Variants in TPD52 observed in about 807,000 individuals in gnomAD.
TPD52 encodes prostate and colon associated protein.
Under a neutral mutation model 31.3 loss-of-function variants are expected in TPD52, and 17 were observed. The ratio of observed to expected loss-of-function variants is 0.54; its 90% CI spans 0.37 to 0.82. The LOEUF (loss-of-function observed/expected upper bound fraction) is 0.82. Ranked by LOEUF, TPD52 falls within the 40% of genes least tolerant of loss-of-function variation. The pLI, the probability that TPD52 is intolerant of heterozygous loss-of-function variation, is 0.00. For missense variants in TPD52, 212 were observed against 240.1 expected (o/e 0.88, Z 0.77); for synonymous variants, 83 against 89.6 (o/e 0.93, Z 0.42).
chr8:80,154,735 A>ACG (rs569546703), intron 1 of TPD52, among the ~76,000 whole-genome samples: 11,631 of 141,608 alleles, frequency 0.082, 817 homozygotes, highest in South Asian at 0.2. Context: ...ACACACACAC[A>ACG]CACACACACA....
chr8:80,132,133 A>G (rs1385500386), intron 1 of TPD52, among the ~76,000 whole-genome samples: 1 of 151,362 alleles, frequency 6.6e-6, no homozygotes, highest in African/African-American at 2.4e-5. Context: ...GGGCTCATGC[A>G]ATCCTCCCAC....
At chr8:80,122,792 G>A (rs888713921) in intron 1 of TPD52, 2 of 152,262 alleles carry the variant, frequency 1.3e-5, no homozygotes, top group South Asian at 2.1e-4. Flanking sequence ...GGAACTGCAC[G>A]GCACCATCCA....
At chr8:80,076,599 A>C (rs968762524) in intron 1 of TPD52, among the ~76,000 whole-genome samples, 1 of 152,304 alleles carries the variant, frequency 6.6e-6, no homozygotes, top group Admixed American at 6.5e-5. Context: ...AAGAATCTGT[A>C]CATCAAACCC....
chr8:80,097,743 G>C (rs1232881716), intron 1 of TPD52, among the ~76,000 whole-genome samples: 1 of 152,176 alleles, frequency 6.6e-6, no homozygotes, highest in Non-Finnish European at 1.5e-5. Context: ...TTACAGCAAT[G>C]CAAGAACAAA....
intron 4 of TPD52, chr8:80,051,274 A>G: frequency 1.9e-6 from 1 of 516,880 alleles, no homozygotes. Context: ...TGAAGAACTA[A>G]AAAGACAAAG....
intron 1 of TPD52, among the ~76,000 whole-genome samples, chr8:80,131,893 C>T (rs973165063): frequency 6.6e-6 from 1 of 152,080 alleles, no homozygotes; most frequent in Non-Finnish European, 1.5e-5. Flanking sequence ...AAGAACGCAG[C>T]TGTCAAGTCA....
At chr8:80,050,296 T>C in intron 5 of TPD52, 149 bp downstream of exon 5, 1 of 589,692 alleles carries the variant, frequency 1.7e-6, no homozygotes. Flanking sequence ...CCCTTGAAAT[T>C]AGGAATGCAC....
At chr8:80,148,105 G>A (rs1810326139) in intron 1 of TPD52, among the ~76,000 whole-genome samples, 1 of 151,968 alleles carries the variant, frequency 6.6e-6, no homozygotes, top group Non-Finnish European at 1.5e-5. Context: ...TTCCAAACCA[G>A]AGCTAAAAAG....
intron 1 of TPD52, among the ~76,000 whole-genome samples, chr8:80,133,453 C>A (rs1214636729): frequency 6.6e-6 from 1 of 152,154 alleles, no homozygotes; most frequent in Non-Finnish European, 1.5e-5. Flanking sequence ...TTCCTTCTTC[C>A]CTCCAAAACC....
At chr8:80,163,558 A>G (rs1811502021) in intron 1 of TPD52, among the ~76,000 whole-genome samples, 1 of 152,236 alleles carries the variant, frequency 6.6e-6, no homozygotes, top group Admixed American at 6.5e-5. Context: ...CACAAGGTAC[A>G]TACAGTTAAC....
At chr8:80,144,518 T>TA in intron 1 of TPD52, among the ~76,000 whole-genome samples, 1 of 152,326 alleles carries the variant, frequency 6.6e-6, no homozygotes, top group Middle Eastern at 3.4e-3. Context: ...TGCCTCTCCA[T>TA]AGCAACTGCA....
rs117623928 is a variant in TPD52, at chr8:80,105,980, A to G, written c.20-41387T>C. On this transcript the variant is annotated intron_variant, in intron 1 of 7. Coordinates refer to ENST00000518937, the MANE Select transcript of TPD52 (RefSeq NM_001025253.3). ...AATCTTAATCTCAGAGCAATAATAA[A>G]AGGTATCCCTGTCTGGCAGAGAAAA... 3.1e-3 allele frequency among the ~76,000 whole-genome samples: 470 copies of G among 152,210 alleles called. 4 individuals carry two copies. The highest frequency in any genetic ancestry group is 6.8e-3 in the Middle Eastern group (2 of 294).
chr8:80,047,346 T>G (rs1317426768), intron 5 of TPD52, among the ~76,000 whole-genome samples: 1 of 152,250 alleles, frequency 6.6e-6, no homozygotes, highest in East Asian at 1.9e-4. Flanking sequence ...TTATAAATGT[T>G]AATTATTATT....
At position 80,167,715 on chromosome 8, in the gene TPD52, A is replaced by G. The variant is rs116451124; in HGVS notation, c.19+3710T>C. On this transcript the variant is annotated intron_variant, in intron 1 of 7. Transcript: ENST00000518937. ...TTCTAAGGCACAATTACAATGTTAAAATGATAGTGACATATTATTGTGTTA... is the reference window on the plus strand; with the variant it reads ...TTCTAAGGCACAATTACAATGTTAAGATGATAGTGACATATTATTGTGTTA... Among the ~76,000 whole-genome samples, 1,361 of 152,322 alleles carry G rather than the reference A, an allele frequency of 8.9e-3. 22 individuals are homozygous for G. Among genetic ancestry groups the G allele is most frequent in the African/African-American group, 0.032 (1,310 of 41,564 alleles).
intron 1 of TPD52, among the ~76,000 whole-genome samples, chr8:80,111,229 A>C (rs778764719): frequency 1.3e-5 from 2 of 151,880 alleles, no homozygotes; most frequent in Non-Finnish European, 2.9e-5. Context: ...AAAAATAAAA[A>C]ATAAAAATAA....
intron 1 of TPD52, among the ~76,000 whole-genome samples, chr8:80,090,558 A>C (rs1816180161): frequency 1.3e-5 from 2 of 152,214 alleles, no homozygotes; most frequent in African/African-American, 4.8e-5. Context: ...TCATGTTGGC[A>C]TTCTTTTAAA....
At chr8:80,043,912 T>C (rs1810599514) in intron 6 of TPD52, among the ~76,000 whole-genome samples, 1 of 152,166 alleles carries the variant, frequency 6.6e-6, no homozygotes, top group African/African-American at 2.4e-5. Flanking sequence ...TGTGAACAGA[T>C]TTCAGACAGG....
intron 7 of TPD52, among the ~76,000 whole-genome samples, chr8:80,039,596 T>G (rs943346747): frequency 6.6e-6 from 1 of 152,192 alleles, no homozygotes; most frequent in Non-Finnish European, 1.5e-5. Flanking sequence ...CTGATCTCTC[T>G]AACATTTACA....
chr8:80,077,008 G>A (rs1437679739), intron 1 of TPD52, among the ~76,000 whole-genome samples: 5 of 151,978 alleles, frequency 3.3e-5, no homozygotes, highest in African/African-American at 1.2e-4. Flanking sequence ...CCGGCCCAGT[G>A]GCTCACGCCT....
Sources: gnomAD v4.1 joint callset for allele counts (sites outside exome capture counted in the v4.1 genomes callset) on GRCh38, gnomAD v4.1.1 for gene constraint, MANE v1.5 for transcripts, NCBI Gene and HGNC (gene_info 2026-07-23, HGNC 2026-07-21) for gene names.